WDR86: variants seen among roughly 807,000 people sequenced by gnomAD.
The protein encoded by WDR86 is WD repeat-containing protein 86.
Under a neutral mutation model 36.5 loss-of-function variants are expected in WDR86, and 30 were observed. The ratio of observed to expected loss-of-function variants is 0.82; its 90% confidence interval spans 0.61 to 1.11. The LOEUF is 1.11. Ranked by LOEUF, WDR86 falls within the 50% of genes most tolerant of loss-of-function variation. WDR86 has a pLI of 0.00. For synonymous variants in WDR86, 255 were observed against 252.9 expected (o/e 1.01, Z -0.08); for missense variants, 545 against 561.2 (o/e 0.97, Z 0.29).
downstream of WDR86, chr7:151,378,092 C>T (rs183968092): frequency 2.6e-5 from 4 of 152,308 alleles, no homozygotes; most frequent in East Asian, 5.8e-4. Context: ...TTGTTCTAGC[C>T]ATGTGACAGA....
At chr7:151,374,043 G>A, downstream of WDR86, 1 of 1,502,966 alleles carries the variant, frequency 6.7e-7, no homozygotes, top group Non-Finnish European at 8.9e-7. Context: ...CAGACTGAGA[G>A]GCTGTGAAAT....
Position 151,400,185 on chromosome 7 carries a change from T to C in WDR86, c.220A>G (p.Ser74Gly), listed in dbSNP as rs1164808767. 6.2e-7 allele frequency: 1 copy of C among 1,611,880 alleles called. No individual in the cohort carries two copies. Among genetic ancestry groups the C allele is most frequent in the Non-Finnish European group, 8.5e-7 (1 of 1,179,098 alleles). ...CACCTCCTGATGGTGCAGTCGGCGC[T>C]GCATGTGAAGGCAGCCTCATCCTCC... ...QLEDEAAFTC[S>G]ADCTIRRWDV... is the part of the protein sequence containing the mutation. The change falls in exon 2 of 6, where the codon AGC becomes GGC. Residue 74 changes from serine (S) to glycine (G), a missense_variant. Physicochemically the swap from Ser to Gly is moderately conservative, Grantham distance 56. Coordinates refer to ENST00000334493, the MANE Select transcript of WDR86 (RefSeq NM_198285.3).
At chr7:151,410,103 C>T (rs996383102), upstream of WDR86, 7 of 982,982 alleles carry the variant, frequency 7.1e-6, no homozygotes, top group African/African-American at 7.0e-5. Flanking sequence ...GGGCTGCGCC[C>T]CAGCCCCCAC....
chr7:151,396,146 G>A lies in WDR86; in HGVS notation c.356C>T (p.Ala119Val). The change falls in exon 3 of 6, where the codon GCT (alanine) becomes GTT (valine). Residue 119 changes from alanine to valine, a missense_variant. By Grantham distance (64) the Ala-to-Val change is moderately conservative. Coordinates refer to ENST00000334493, the MANE Select transcript of WDR86 (RefSeq NM_198285.3). The stretch of plus-strand genomic sequence containing the variant: ...CCCCTTGTCCACACTCCAGACCCGA[G>A]CTGTCCGGTCATAGGAGCTGCTGAA... ...QLFSSSYDRT[A>V]RVWSVDKGQM... 1 of 1,612,970 alleles carries A rather than the reference G, an allele frequency of 6.2e-7. No homozygotes were observed. The highest frequency in any genetic ancestry group is 8.5e-7 in the Non-Finnish European group (1 of 1,179,888).
rs1801093100 is a variant in WDR86 at position 151,409,946 on chromosome 7, C to T, written c.-357G>A. 1.9e-6 allele frequency: 2 copies of T among 1,042,992 alleles called. No individual in the cohort carries two copies. Among genetic ancestry groups the T allele is most frequent in the Non-Finnish European group, 2.3e-6 (2 of 868,090 alleles). 64.6% of individuals were successfully genotyped at this position (1,042,992 alleles called of 1,614,324 possible). A position where few individuals can be genotyped will look rare whatever the true frequency, so the allele number is the denominator to read the frequency against. Reference sequence around the variant, plus strand: ...TCTCTGGTGCACAAGGAGCCCCCCGCCTCCTCTCGCGCCCACGGGGCTGGG... The same window carrying T: ...TCTCTGGTGCACAAGGAGCCCCCCGTCTCCTCTCGCGCCCACGGGGCTGGG... On this transcript the variant is annotated 5_prime_UTR_variant, in exon 1 of 6. Transcript: ENST00000334493. This position sits in a 1 kb window ranked among gnomAD's most constrained non-coding sequence, Gnocchi z 5.2.
chr7:151,392,951 T>A (rs1799541462), intron 3 of WDR86, among the ~76,000 whole-genome samples: 1 of 152,102 alleles, frequency 6.6e-6, no homozygotes, highest in Non-Finnish European at 1.5e-5. Context: ...CTGCTAGGAC[T>A]GAGCCCCACT....
Position 151,381,767 on chromosome 7 carries a change from GTCAC to G in WDR86, c.967-25_967-22del. On this transcript the variant is annotated intron_variant, in intron 5 of 5. Transcript: ENST00000334493. The surrounding 1 kb of genome is among the most constrained non-coding windows in gnomAD (Gnocchi z 4.8). ...TGCACCTGCGGGCGCAGGGGCGGGCGTCACCGGTGACGCGGTAGGCGGGGGGGAC... is the reference window on the plus strand; with the variant it reads ...TGCACCTGCGGGCGCAGGGGCGGGCGCGGTGACGCGGTAGGCGGGGGGGAC... 4.7e-6 allele frequency: 7 copies of G among 1,487,654 alleles called. No homozygotes were observed. Among genetic ancestry groups the G allele is most frequent in the Non-Finnish European group, 6.2e-6 (7 of 1,120,270 alleles). The allele number at this position is 1,487,654 out of a possible 1,614,324, so 92.2% of individuals were successfully genotyped here. A position where few individuals can be genotyped will look rare whatever the true frequency, so the allele number is the denominator to read the frequency against.
intron 3 of WDR86, among the ~76,000 whole-genome samples, chr7:151,391,419 T>C (rs1485723230): frequency 6.6e-6 from 1 of 152,140 alleles, no homozygotes; most frequent in Non-Finnish European, 1.5e-5. Flanking sequence ...AAAACTCCAA[T>C]TTCCTGAGTG....
In WDR86 at chr7:151,382,611, G is replaced by A. The variant is rs572092012; in HGVS notation, c.863-630C>T. On this transcript the variant is annotated intron_variant, in intron 4 of 5. Coordinates refer to ENST00000334493, the MANE Select transcript of WDR86 (RefSeq NM_198285.3). ...CATCCCAGAATCTGATTTAGCAGGC[G>A]GGGCCTGAGAATCGGCATTTCTAAC... 7.2e-5 allele frequency among the ~76,000 whole-genome samples: 11 copies of A among 152,346 alleles called. No individual in the cohort carries two copies. In the South Asian group the frequency reaches 1.9e-3, roughly 26 times the overall value.
intron 3 of WDR86, among the ~76,000 whole-genome samples, chr7:151,386,310 C>T (rs189802059): frequency 1.3e-5 from 2 of 152,326 alleles, no homozygotes; most frequent in South Asian, 2.1e-4. Context: ...AGAGCTTCCA[C>T]GACCCGGGCC....
At chr7:151,371,746 G>A (rs765427234), downstream of WDR86, among the ~76,000 whole-genome samples, 1 of 152,204 alleles carries the variant, frequency 6.6e-6, no homozygotes, top group Non-Finnish European at 1.5e-5. Flanking sequence ...AAAACAATTC[G>A]TTCATGTTTT....
rs1799127940 is a variant in WDR86, at chr7:151,388,158, C to A, written c.727-2935G>T. 6.6e-6 allele frequency among the ~76,000 whole-genome samples: 1 copy of A among 152,246 alleles called. No homozygotes were observed. ...CACGACATCCTTGCTGTGGTCCCCA[C>A]CACCTCGGGCTCCCAGATCCTGTAG... is the stretch of plus-strand genomic sequence containing the variant. On this transcript the variant is annotated intron_variant, in intron 3 of 5. Coordinates refer to ENST00000334493, the MANE Select transcript of WDR86 (RefSeq NM_198285.3). The surrounding 1 kb of genome is among the most constrained non-coding windows in gnomAD (Gnocchi z 4.2).
downstream of WDR86, among the ~76,000 whole-genome samples, chr7:151,379,953 G>A (rs764653922): frequency 1.6e-4 from 24 of 152,148 alleles, no homozygotes; most frequent in Non-Finnish European, 3.2e-4. Flanking sequence ...TCTGGCCTGC[G>A]CCACCGGAAC....
At chr7:151,374,317 C>G, downstream of WDR86, 1 of 1,503,370 alleles carries the variant, frequency 6.7e-7, no homozygotes. Flanking sequence ...CCATGGCTCT[C>G]CAGCATCCTC....
chr7:151,381,173 G>A lies in WDR86; in HGVS notation c.*409C>T, dbSNP rs1195024049. The A allele has an allele frequency of 1.6e-6, 2 of 1,250,564 alleles. No individual in the cohort carries two copies. The highest frequency in any genetic ancestry group is 3.1e-5 in the East Asian group (1 of 31,750). 77.5% of individuals were successfully genotyped at this position (1,250,564 alleles called of 1,614,324 possible). ...CAGTTCCCCCCAAGGCCCTCGAGAC[G>A]GACGATTTGCCAAAATAACCAGGTT... On this transcript the variant is annotated 3_prime_UTR_variant, in exon 6 of 6. Coordinates refer to ENST00000334493, the MANE Select transcript of WDR86 (RefSeq NM_198285.3). The surrounding 1 kb of genome is among the most constrained non-coding windows in gnomAD (Gnocchi z 4.8).
At chr7:151,389,428 C>T (rs1799242272) in intron 3 of WDR86, among the ~76,000 whole-genome samples, 1 of 152,230 alleles carries the variant, frequency 6.6e-6, no homozygotes. Context: ...ACAGCTCAAA[C>T]GCACCATCGC....
intron 4 of WDR86, among the ~76,000 whole-genome samples, chr7:151,384,016 C>A (rs1275722943): frequency 1.3e-5 from 2 of 152,254 alleles, no homozygotes; most frequent in Non-Finnish European, 2.9e-5. Flanking sequence ...GCCTTGGACA[C>A]AGGAACAAAC....
Position 151,381,987 on chromosome 7 carries a change from G to C in WDR86, c.863-6C>G, listed in dbSNP as rs752461523. On this transcript the variant is annotated splice_region_variant and splice_polypyrimidine_tract_variant and intron_variant, in intron 4 of 5. Coordinates refer to ENST00000334493, the MANE Select transcript of WDR86 (RefSeq NM_198285.3). The surrounding 1 kb of genome is among the most constrained non-coding windows in gnomAD (Gnocchi z 4.8). The stretch of plus-strand genomic sequence containing the variant: ...GTCCCCGCTGCCCGTGAACACTGCG[G>C]ACACACAGCGCGCGCTGGGCCTCCC... 1 of 1,593,516 alleles carries C rather than the reference G, an allele frequency of 6.3e-7. No homozygotes were observed. The highest frequency in any genetic ancestry group is 1.8e-5 in the Admixed American group (1 of 57,048).
Position 151,381,518 on chromosome 7 carries a change from GC to G in WDR86, c.*63del. The G allele has an allele frequency of 7.0e-7, 1 of 1,422,552 alleles. No individual in the cohort carries two copies. The highest frequency in any genetic ancestry group is 1.4e-5 in the South Asian group (1 of 69,106). 88.1% of individuals were successfully genotyped at this position (1,422,552 alleles called of 1,614,324 possible). ...CCATCGGGCGCCACCACCGCGGGTA[GC>G]AGGGCGGGGCGCTCTGGGAGCCGCT... is the stretch of plus-strand genomic sequence containing the variant. On this transcript the variant is annotated 3_prime_UTR_variant, in exon 6 of 6. Coordinates refer to ENST00000334493, the MANE Select transcript of WDR86 (RefSeq NM_198285.3). The surrounding 1 kb of genome is among the most constrained non-coding windows in gnomAD (Gnocchi z 4.8).
Sources: allele counts gnomAD v4.1 joint callset (sites outside exome capture counted in the v4.1 genomes callset), GRCh38; gene constraint gnomAD v4.1.1; non-coding constraint Gnocchi (gnomAD v3.1); transcripts MANE v1.5; gene names NCBI Gene and HGNC (gene_info 2026-07-23, HGNC 2026-07-21).